The following KIAA1217 variants were observed in gnomAD, a reference collection of about 807,000 sequenced individuals.
KIAA1217 encodes KIAA1217, also known as sickle tail protein homolog.
KIAA1217 carries 88 observed loss-of-function variants against 163.9 expected under a neutral mutation model. The ratio of observed to expected loss-of-function variants is 0.54; its 90% CI spans 0.45 to 0.64. KIAA1217 has a LOEUF of 0.64. Ranked by LOEUF, KIAA1217 falls within the 30% of genes least tolerant of loss-of-function variation. KIAA1217 has a pLI of 0.00. For missense variants in KIAA1217, 2,372 were observed against 2,475.0 expected (o/e 0.96, Z 0.88); for synonymous variants, 903 against 923.1 (o/e 0.98, Z 0.39).
rs913081698 is a variant in KIAA1217 at position 23,818,208 on chromosome 10, T to C, written c.-321+122974T>C. Among the ~76,000 whole-genome samples, 191 of 144,186 alleles carry C rather than the reference T, an allele frequency of 1.3e-3. 1 individual carries two copies. Among genetic ancestry groups the C allele is most frequent in the Non-Finnish European group, 2.2e-3 (145 of 66,166 alleles). 94.6% of individuals were successfully genotyped at this position (144,186 alleles called of 152,430 possible). A position where few individuals can be genotyped will look rare whatever the true frequency, so the allele number is the denominator to read the frequency against. ...TAAAGGTATTAGGTAAGACATATTT[T>C]TTTTGCATCTATAGGCAAAACTTTA... On this transcript the variant is annotated intron_variant, in intron 1 of 18. Transcript: ENST00000376462.
chr10:24,277,163 C>G (rs12769567), intron 2 of KIAA1217, among the ~76,000 whole-genome samples: 48,090 of 152,154 alleles, frequency 0.32, 8,392 homozygotes, highest in Admixed American at 0.47. Flanking sequence ...TCAAATTGCT[C>G]TTTAACTCTG....
intron 2 of KIAA1217, among the ~76,000 whole-genome samples, chr10:24,226,910 C>A (rs921125026): frequency 1.3e-5 from 2 of 151,918 alleles, no homozygotes; most frequent in African/African-American, 4.8e-5. Context: ...TTGCAGAAAC[C>A]AACTTTCCAC....
At chr10:24,426,896 G>A (rs906305007) in intron 3 of KIAA1217, among the ~76,000 whole-genome samples, 1 of 152,090 alleles carries the variant, frequency 6.6e-6, no homozygotes, top group African/African-American at 2.4e-5. Context: ...AGGAGTTGAG[G>A]TCACATGGTG....
chr10:23,858,992 G>C (rs776546655), intron 1 of KIAA1217, among the ~76,000 whole-genome samples: 6 of 152,146 alleles, frequency 3.9e-5, no homozygotes, highest in Non-Finnish European at 8.8e-5. Flanking sequence ...ATAAAATGCA[G>C]GAAGAAATTT....
At chr10:23,939,440 A>G (rs2131331238) in intron 1 of KIAA1217, among the ~76,000 whole-genome samples, 1 of 152,276 alleles carries the variant, frequency 6.6e-6, no homozygotes, top group Non-Finnish European at 1.5e-5. Context: ...TCAAAAGGAA[A>G]CTGTATAGCT....
chr10:23,778,297 T>C (rs1462169801), intron 1 of KIAA1217, among the ~76,000 whole-genome samples: 2 of 152,222 alleles, frequency 1.3e-5, no homozygotes, highest in African/African-American at 4.8e-5. Flanking sequence ...AAACCGTTTT[T>C]ATTTCATAAT....
chr10:24,152,949 TA>T (rs2064690599), intron 2 of KIAA1217, among the ~76,000 whole-genome samples: 1 of 152,196 alleles, frequency 6.6e-6, no homozygotes, highest in South Asian at 2.1e-4. Context: ...AAGTTAAGAA[TA>T]AATGTAATAA....
At chr10:23,882,488 C>A (rs1840994232) in intron 1 of KIAA1217, among the ~76,000 whole-genome samples, 3 of 151,902 alleles carry the variant, frequency 2.0e-5, no homozygotes, top group African/African-American at 7.3e-5. Flanking sequence ...CACGGTTTTA[C>A]ACTCCCTCAT....
At chr10:24,424,071 T>A (rs1591811480) in intron 3 of KIAA1217, among the ~76,000 whole-genome samples, 2 of 123,504 alleles carry the variant, frequency 1.6e-5, no homozygotes, top group South Asian at 2.3e-4. Flanking sequence ...TTATTCCAAA[T>A]TTTTTTTTTT....
chr10:24,424,592 T>C (rs1170816122), intron 3 of KIAA1217, among the ~76,000 whole-genome samples: 1 of 152,250 alleles, frequency 6.6e-6, no homozygotes, highest in South Asian at 2.1e-4. Context: ...GTTTTTCTGT[T>C]CTGTTTTTTG....
chr10:23,742,079 T>A (rs1391346596), intron 1 of KIAA1217, among the ~76,000 whole-genome samples: 1 of 152,148 alleles, frequency 6.6e-6, no homozygotes, highest in East Asian at 1.9e-4. Context: ...TAGGAAGCAA[T>A]GGGACTTGGA....
chr10:24,182,361 G>A lies in KIAA1217; in HGVS notation c.-170-37265G>A, dbSNP rs377182273. On this transcript the variant is annotated intron_variant, in intron 2 of 18. Coordinates refer to the KIAA1217 transcript ENST00000376462. ...TAAGGCAGGAGTATCGCTTGAACCC[G>A]GGGAGGTGGGGGGAGGGCTGCAGTG... 2.6e-4 allele frequency among the ~76,000 whole-genome samples: 39 copies of A among 151,976 alleles called. 1 individual carries two copies. The South Asian group carries it at 4.6e-3, about 18-fold the overall frequency.
intron 1 of KIAA1217, among the ~76,000 whole-genome samples, chr10:23,836,912 G>A (rs1050639250): frequency 7.4e-6 from 1 of 135,302 alleles, no homozygotes; most frequent in Non-Finnish European, 1.6e-5. Flanking sequence ...GACAGAGTGA[G>A]ACCCTGTGGG....
At chr10:24,230,021 C>CA (rs1366021491) in intron 2 of KIAA1217, among the ~76,000 whole-genome samples, 1 of 151,992 alleles carries the variant, frequency 6.6e-6, no homozygotes, top group Non-Finnish European at 1.5e-5. Context: ...TAATAAGCCA[C>CA]AATAGGAAGA....
chr10:24,025,039 ACTTT>A (rs1847882300), intron 2 of KIAA1217, among the ~76,000 whole-genome samples: 1 of 151,752 alleles, frequency 6.6e-6, no homozygotes, highest in African/African-American at 2.4e-5. Flanking sequence ...GTGTAACAAT[ACTTT>A]CTTATTTTAT....
At chr10:24,505,429 CT>C (rs2068209319) in intron 9 of KIAA1217, among the ~76,000 whole-genome samples, 1 of 151,780 alleles carries the variant, frequency 6.6e-6, no homozygotes, top group African/African-American at 2.4e-5. Context: ...TGCCTGTTAC[CT>C]TTCCTGATAT....
At chr10:23,720,161 A>G (rs1837794989) in intron 1 of KIAA1217, among the ~76,000 whole-genome samples, 1 of 152,018 alleles carries the variant, frequency 6.6e-6, no homozygotes, top group Non-Finnish European at 1.5e-5. Context: ...TATAATTAAG[A>G]ATGGGTAATT....
Position 24,544,310 on chromosome 10 carries a change from C to G in KIAA1217, c.5040C>G (p.Ile1680Met). Residue 1680 changes from isoleucine to methionine, a missense_variant, in exon 19 of 21, where the codon ATC becomes ATG. This residue lies in a region of KIAA1217 where 690 missense variants were observed against 677.5 expected (regional missense o/e 1.02). Transcript: ENST00000376454. ...EQTIKQLENT[I>M]SEMSPKALVD... ...CCATTAAACAGCTCGAAAATACAAT[C>G]AGTGAAATGAGTCCCAAAGCCCTAG... 2 of 1,614,084 alleles carry G rather than the reference C, an allele frequency of 1.2e-6. No homozygotes were observed. The highest frequency in any genetic ancestry group is 1.7e-6 in the Non-Finnish European group (2 of 1,180,010).
intron 3 of KIAA1217, among the ~76,000 whole-genome samples, chr10:24,400,059 C>A (rs1029079756): frequency 6.6e-6 from 1 of 152,070 alleles, no homozygotes; most frequent in Non-Finnish European, 1.5e-5. Flanking sequence ...ATCGCCCCTG[C>A]GTAAATAGCC....
Sources: gnomAD v4.1 joint callset for allele counts (sites outside exome capture counted in the v4.1 genomes callset) on GRCh38, gnomAD v4.1.1 for gene constraint, gnomAD v4.1.1 regional missense constraint, MANE v1.5 for transcripts, NCBI Gene and HGNC (gene_info 2026-07-23, HGNC 2026-07-21) for gene names.